The following RGS3 variants were observed in gnomAD, a reference collection of about 807,000 sequenced individuals.
RGS3 encodes the protein regulator of G-protein signalling 3.
RGS3 carries 80 observed loss-of-function variants against 132.6 expected under a neutral mutation model. The ratio of observed to expected loss-of-function variants is 0.60; its 90% CI spans 0.50 to 0.73. The LOEUF (loss-of-function observed/expected upper bound fraction) is 0.73, where lower values mean the gene tolerates loss of function less well. Ranked by LOEUF, RGS3 falls within the 30% of genes least tolerant of loss-of-function variation. RGS3 has a pLI of 0.00. For synonymous variants in RGS3, 598 were observed against 620.6 expected, an observed-to-expected ratio of 0.96 and a Z score of 0.54; for missense variants, 1,382 against 1,530.8, an observed-to-expected ratio of 0.90 and a Z score of 1.62.
exon 1 of RGS3, chr9:113,460,302 C>A: frequency 2.1e-6 from 1 of 485,696 alleles, no homozygotes; most frequent in Non-Finnish European, 3.3e-6. Flanking sequence ...GGGCAGATCG[C>A]AAGGTCAGGA....
chr9:113,529,290 G>T (rs759018213), intron 18 of RGS3, 26 bp downstream of exon 16: 1 of 1,593,536 alleles, frequency 6.3e-7, no homozygotes, highest in Non-Finnish European at 8.6e-7. Flanking sequence ...TGGATTTGAG[G>T]AGAGAGATCT....
chr9:113,564,521 C>G (rs1763339505), intron 19 of RGS3, among the ~76,000 whole-genome samples: 1 of 152,162 alleles, frequency 6.6e-6, no homozygotes, highest in African/African-American at 2.4e-5. Flanking sequence ...CAGTGACACC[C>G]AATTAACCAG....
At chr9:113,556,041 A>G (rs1188349101) in intron 19 of RGS3, among the ~76,000 whole-genome samples, 1 of 152,146 alleles carries the variant, frequency 6.6e-6, no homozygotes, top group Non-Finnish European at 1.5e-5. Flanking sequence ...TGTTTGAGTC[A>G]TAGTTTGCTT....
chr9:113,447,329 G>GATATA (rs1554750976), intron 1 of RGS3, among the ~76,000 whole-genome samples: 1 of 27,536 alleles, frequency 3.6e-5, no homozygotes, highest in African/African-American at 9.8e-5. Flanking sequence ...GTATGTATAT[G>GATATA]TATATATATA....
In RGS3 at chr9:113,471,565, G is replaced by C. The variant is rs184504791; in HGVS notation, c.416-7926G>C. 2.6e-5 allele frequency among the ~76,000 whole-genome samples: 4 copies of C among 152,016 alleles called. No individual in the cohort carries two copies. The East Asian group carries it at 5.8e-4, about 22-fold the overall frequency. ...ACATATATTTTCTAAGCTTTTTTGA[G>C]TTGGTTTTTGTTTTTTTTTCCCTCC... On this transcript the variant is annotated intron_variant, in intron 3 of 24. Coordinates refer to ENST00000350696, the Ensembl canonical transcript of RGS3.
chr9:113,523,437 C>A (rs1356254832), intron 17 of RGS3, among the ~76,000 whole-genome samples: 1 of 152,134 alleles, frequency 6.6e-6, no homozygotes, highest in Non-Finnish European at 1.5e-5. Context: ...GAGAAGGTTG[C>A]TGTGAAGATT....
At chr9:113,447,358 T>C (rs1346648849) in intron 1 of RGS3, among the ~76,000 whole-genome samples, 3 of 118,374 alleles carry the variant, frequency 2.5e-5, no homozygotes, top group East Asian at 5.6e-4. Context: ...TATATATATA[T>C]ATAGGCAAGG....
At position 113,516,977 on chromosome 9, in the gene RGS3, G is replaced by C. The variant is rs570012314; in HGVS notation, c.1675-564G>C. ...CCAGAGCTTAGGGAGCTTCCTCTGG[G>C]CTGGGCTGGGCAAGGTGAGGGAGTA... On this transcript the variant is annotated intron_variant, in intron 15 of 24. Transcript: ENST00000350696. Among the ~76,000 whole-genome samples, 321 of 152,328 alleles carry C rather than the reference G, an allele frequency of 2.1e-3. 1 individual carries two copies. The highest frequency in any genetic ancestry group is 3.7e-3 in the Non-Finnish European group (254 of 68,032).
At chr9:113,508,430 G>T in intron 13 of RGS3, 111 bp from the exon 12 acceptor site, 7 of 1,054,312 alleles carry the variant, frequency 6.6e-6, no homozygotes, top group Non-Finnish European at 8.7e-6. Context: ...TTTCTCTTGT[G>T]CCCTGAGGTG....
At chr9:113,510,762 C>T (rs985927281) in intron 14 of RGS3, among the ~76,000 whole-genome samples, 7 of 152,294 alleles carry the variant, frequency 4.6e-5, no homozygotes, top group Admixed American at 1.3e-4. Context: ...ATATTAATAA[C>T]CATGCTAGCT....
At chr9:113,542,786 G>A (rs111331885) in intron 19 of RGS3, among the ~76,000 whole-genome samples, 3,766 of 152,322 alleles carry the variant, frequency 0.025, 67 homozygotes, top group Admixed American at 0.037. Context: ...CCTTAGCAGG[G>A]GCTGCTGTGC....
intron 3 of RGS3, among the ~76,000 whole-genome samples, chr9:113,472,796 TG>T (rs1829873928): frequency 6.6e-6 from 1 of 152,150 alleles, no homozygotes; most frequent in Admixed American, 6.5e-5. Context: ...CCCAGCACTT[TG>T]GGAGGCTGAG....
chr9:113,479,329 T>C (rs1376471994), intron 3 of RGS3, 162 bp from the exon 2 acceptor site: 20 of 735,364 alleles, frequency 2.7e-5, no homozygotes, highest in Admixed American at 7.9e-5. Flanking sequence ...TGGGCGGGGC[T>C]GAACCCTGTG....
Position 113,463,061 on chromosome 9 carries a change from G to A in RGS3, c.415+860G>A, listed in dbSNP as rs931787346. ...CTGGGGGATTCACCCACCCCACTCCGTTTCCTGTGCGTTCCTCTTTCTCAG... is the reference window on the plus strand; with the variant it reads ...CTGGGGGATTCACCCACCCCACTCCATTTCCTGTGCGTTCCTCTTTCTCAG... On this transcript the variant is annotated intron_variant, in intron 3 of 24. Coordinates refer to ENST00000350696, the Ensembl canonical transcript of RGS3. This position sits in a 1 kb window ranked among gnomAD's most constrained non-coding sequence, Gnocchi z 4.6. 3.9e-5 allele frequency among the ~76,000 whole-genome samples: 6 copies of A among 152,144 alleles called. No individual in the cohort carries two copies. Among genetic ancestry groups the A allele is most frequent in the African/African-American group, 1.4e-4 (6 of 41,432 alleles).
In RGS3 at chr9:113,471,708, A is replaced by G. The variant is rs552737902; in HGVS notation, c.416-7783A>G. 6.2e-4 allele frequency among the ~76,000 whole-genome samples: 94 copies of G among 150,776 alleles called. No individual in the cohort carries two copies. The Middle Eastern group carries it at 0.014, about 22-fold the overall frequency. On this transcript the variant is annotated intron_variant, in intron 3 of 24. Coordinates refer to ENST00000350696, the Ensembl canonical transcript of RGS3. ...TCTCCCTGCCTGCCTGCCTACCTGC[A>G]GTTGTCCGAGCAGGCATTACTGGGG...
At position 113,506,057 on chromosome 9, in the gene RGS3, GCCTGGCCC is replaced by G. The variant is rs1831116212; in HGVS notation, c.980-329_980-322del. On this transcript the variant is annotated intron_variant, in intron 11 of 24. Transcript: ENST00000350696. The surrounding 1 kb of genome is among the most constrained non-coding windows in gnomAD (Gnocchi z 4.7). ...GAGAAGGAATAAATGTAGTGTGGGAGCCTGGCCCCAGGGAAGGTTCTCAATGGGGTAGG... is the reference window on the plus strand; with the variant it reads ...GAGAAGGAATAAATGTAGTGTGGGAGCAGGGAAGGTTCTCAATGGGGTAGG... Among the ~76,000 whole-genome samples, 1 of 152,162 alleles carries G rather than the reference GCCTGGCCC, an allele frequency of 6.6e-6. No individual in the cohort carries two copies. The highest frequency in any genetic ancestry group is 1.5e-5 in the Non-Finnish European group (1 of 68,038).
chr9:113,539,437 G>A (rs942543186), intron 19 of RGS3, among the ~76,000 whole-genome samples: 37 of 152,172 alleles, frequency 2.4e-4, no homozygotes, highest in Non-Finnish European at 1.9e-4. Context: ...AGCCTCCCGA[G>A]TAGCTGGTAC....
intron 7 of RGS3, among the ~76,000 whole-genome samples, chr9:113,491,545 C>T (rs1830523851): frequency 6.6e-6 from 1 of 151,926 alleles, no homozygotes; most frequent in Non-Finnish European, 1.5e-5. Context: ...GCCACCGTGC[C>T]CAGGCAAGGA....
rs147490572 is a variant in RGS3, at chr9:113,594,971, G to C, written c.3235G>C (p.Val1079Leu). 804 of 1,614,088 alleles carry C rather than the reference G, an allele frequency of 5.0e-4. 5 individuals are homozygous for C. In the South Asian group the frequency reaches 6.1e-3, roughly 12 times the overall value. ...GGGCGAGTCCTTGGAGAAGCTGCTGGTTCACAAATGTAAGTTGGGCCTGCC... is the reference window on the plus strand; with the variant it reads ...GGGCGAGTCCTTGGAGAAGCTGCTGCTTCACAAATGTAAGTTGGGCCTGCC... The change falls in exon 23 of 25, where the codon GTT (valine) becomes CTT (leucine). Residue 1079 changes from valine to leucine, a missense_variant. Transcript: ENST00000350696.
Sources: gnomAD v4.1 joint callset for allele counts (sites outside exome capture counted in the v4.1 genomes callset) on GRCh38, gnomAD v4.1.1 for gene constraint, Gnocchi (gnomAD v3.1) non-coding constraint, MANE v1.5 for transcripts, NCBI Gene and HGNC (gene_info 2026-07-23, HGNC 2026-07-21) for gene names.